Variants in VMA12 observed in about 807,000 individuals in gnomAD.
The protein encoded by VMA12 is vacuolar ATPase assembly factor VMA12, also known as vacuolar ATPase assembly protein VMA12.
At chr17:28,359,765 C>T in the VMA12 span, among the ~76,000 whole-genome samples, 1 of 151,918 alleles carries the variant, frequency 6.6e-6, no homozygotes, top group South Asian at 2.1e-4. Context: ...CTTAGCCTGG[C>T]GTGGTGGCGG....
the VMA12 span, chr17:28,358,454 A>C: frequency 2.1e-6 from 1 of 472,418 alleles, no homozygotes; most frequent in Non-Finnish European, 4.4e-6. Flanking sequence ...GGAACAGGAC[A>C]AACTAGCACA....
chr17:28,361,519 C>G, the VMA12 span: 11 of 432,868 alleles, frequency 2.5e-5, no homozygotes, highest in South Asian at 2.4e-4. Context: ...TGGTACCCAT[C>G]TGCCTTCTCC....
the VMA12 span, chr17:28,358,449 A>G: frequency 8.5e-6 from 4 of 472,252 alleles, no homozygotes; most frequent in African/African-American, 4.0e-5. Context: ...GGGAAGGAAC[A>G]GGACAAACTA....
the VMA12 span, chr17:28,363,622 C>CA: frequency 2.0e-5 from 3 of 152,266 alleles, no homozygotes; most frequent in Non-Finnish European, 2.9e-5. Context: ...GTTGTCTCCA[C>CA]AGCCCCACAT....
chr17:28,359,034 G>T, the VMA12 span: 35 of 1,519,818 alleles, frequency 2.3e-5, no homozygotes, highest in Non-Finnish European at 3.1e-5. Context: ...GACTGAGTTG[G>T]GCTTATCCAT....
chr17:28,360,790 T>C, the VMA12 span: 3 of 1,613,884 alleles, frequency 1.9e-6, no homozygotes, highest in Admixed American at 5.0e-5. Context: ...TCACGGTGGT[T>C]GCTGCCTTCG....
At chr17:28,361,459 T>C in the VMA12 span, 5,132 of 566,068 alleles carry the variant, frequency 9.1e-3, 38 homozygotes, top group Middle Eastern at 0.015. Flanking sequence ...ATAACACATC[T>C]TTAAAACAGA....
chr17:28,359,107 C>A, the VMA12 span: 1 of 1,061,326 alleles, frequency 9.4e-7, no homozygotes, highest in Non-Finnish European at 1.4e-6. Context: ...TCTTTGGGAT[C>A]TGGGGGAGCC....
the VMA12 span, chr17:28,360,253 C>G: frequency 2.9e-6 from 1 of 341,498 alleles, no homozygotes; most frequent in Non-Finnish European, 5.6e-6. Context: ...GCCACTGTGC[C>G]CAGCCATTCG....
the VMA12 span, chr17:28,357,993 A>T: frequency 8.7e-7 from 1 of 1,144,074 alleles, no homozygotes; most frequent in Non-Finnish European, 1.2e-6. Context: ...TAGACAAGTC[A>T]AGAGTCACTC....
At chr17:28,358,422 G>A in the VMA12 span, 1 of 472,284 alleles carries the variant, frequency 2.1e-6, no homozygotes, top group Non-Finnish European at 4.4e-6. Flanking sequence ...CTGGGCCTCA[G>A]TTCCCTTATG....
chr17:28,359,333 C>T, the VMA12 span: 117 of 1,613,980 alleles, frequency 7.2e-5, no homozygotes, highest in Admixed American at 3.8e-4. Flanking sequence ...ACTAGTTGCC[C>T]GGCTGGAGAA....
the VMA12 span, chr17:28,363,232 C>T: frequency 9.2e-5 from 14 of 152,330 alleles, no homozygotes; most frequent in East Asian, 1.9e-3. Flanking sequence ...AGCAGAGCAG[C>T]TCCAGAGGTG....
the VMA12 span, chr17:28,360,857 CA>C: frequency 6.2e-7 from 1 of 1,611,446 alleles, no homozygotes; most frequent in Non-Finnish European, 8.5e-7. Flanking sequence ...GGTGAGTAGG[CA>C]CTGGGCAGGG....
the VMA12 span, chr17:28,362,894 T>C: frequency 1.3e-5 from 2 of 152,150 alleles, no homozygotes; most frequent in Non-Finnish European, 2.9e-5. Context: ...TCTCATCTGC[T>C]AGCCACTCCT....
At chr17:28,361,193 G>A in the VMA12 span, 1 of 1,613,962 alleles carries the variant, frequency 6.2e-7, no homozygotes, top group African/African-American at 1.3e-5. Flanking sequence ...CTCTGTGGTG[G>A]GTCTGGCCGA....
chr17:28,363,394 C>G, the VMA12 span: 3 of 152,154 alleles, frequency 2.0e-5, no homozygotes, highest in Non-Finnish European at 4.4e-5. Flanking sequence ...ATACCTCCCA[C>G]CAAGAGGTAT....
At chr17:28,362,882 T>G in the VMA12 span, 1 of 152,106 alleles carries the variant, frequency 6.6e-6, no homozygotes, top group African/African-American at 2.4e-5. Context: ...AGAAGGGAGC[T>G]CTCTCATCTG....
the VMA12 span, chr17:28,358,579 G>T: frequency 2.3e-4 from 113 of 485,248 alleles, 1 homozygote; most frequent in South Asian, 1.8e-3. Context: ...AGTGTCCTCT[G>T]AGCATTTAGC....
Sources: allele counts gnomAD v4.1 joint callset (sites outside exome capture counted in the v4.1 genomes callset), GRCh38; gene constraint gnomAD v4.1.1; transcripts MANE v1.5; gene names NCBI Gene and HGNC (gene_info 2026-07-23, HGNC 2026-07-21).